Variants in ENOX1 observed in about 807,000 individuals in gnomAD.
ENOX1 encodes the protein candidate growth-related and time keeping constitutive hydroquinone (NADH) oxidase.
A neutral mutation model predicts 82.5 loss-of-function variants in ENOX1; 42 were observed. That is an observed-to-expected ratio of 0.51 (90% CI 0.40 to 0.66). The LOEUF (loss-of-function observed/expected upper bound fraction) is 0.66, where lower values mean the gene tolerates loss of function less well. Among genes scored for constraint, ENOX1 ranks in the 30% least tolerant of loss-of-function variants. The probability of loss-of-function intolerance (pLI) is 0.00; values close to 1 mark genes in which losing one functional copy is unlikely to be tolerated. For missense variants in ENOX1, 608 were observed against 811.6 expected, an observed-to-expected ratio of 0.75 and a Z score of 3.05; for synonymous variants, 271 against 282.2, an observed-to-expected ratio of 0.96 and a Z score of 0.40.
At chr13:43,507,830 A>T (rs1362670465) in intron 2 of ENOX1, among the ~76,000 whole-genome samples, 2 of 152,018 alleles carry the variant, frequency 1.3e-5, no homozygotes, top group African/African-American at 4.8e-5. Context: ...GGCAGATTAC[A>T]CAAAGAAAAG....
intron 3 of ENOX1, among the ~76,000 whole-genome samples, chr13:43,454,841 A>AT (rs3044064): frequency 0.013 from 1,849 of 143,112 alleles, 11 homozygotes; most frequent in Middle Eastern, 0.033. Flanking sequence ...TATTGAAACC[A>AT]TTTTTTTTTT....
At chr13:43,773,216 T>C (rs1951740820) in intron 1 of ENOX1, among the ~76,000 whole-genome samples, 1 of 152,210 alleles carries the variant, frequency 6.6e-6, no homozygotes, top group Non-Finnish European at 1.5e-5. Flanking sequence ...TCACTTCCCT[T>C]AAAACCCTTC....
At chr13:43,665,418 G>C (rs2084929710) in intron 2 of ENOX1, among the ~76,000 whole-genome samples, 1 of 152,094 alleles carries the variant, frequency 6.6e-6, no homozygotes. Flanking sequence ...TAATAATGTT[G>C]AGTTAAGGAT....
intron 16 of ENOX1, among the ~76,000 whole-genome samples, chr13:43,215,198 A>G (rs1593377715): frequency 6.6e-6 from 1 of 152,362 alleles, no homozygotes; most frequent in South Asian, 2.1e-4. Context: ...AAATAGACCA[A>G]GAAGTCAAAT....
At chr13:43,438,315 A>G (rs2056153496) in intron 3 of ENOX1, among the ~76,000 whole-genome samples, 1 of 152,138 alleles carries the variant, frequency 6.6e-6, no homozygotes, top group South Asian at 2.1e-4. Context: ...ATTATGGGAG[A>G]CCAGACAAGA....
At chr13:43,535,231 T>C (rs765295143) in intron 2 of ENOX1, among the ~76,000 whole-genome samples, 2 of 152,188 alleles carry the variant, frequency 1.3e-5, no homozygotes, top group Non-Finnish European at 2.9e-5. Flanking sequence ...AACTACTAGG[T>C]GCCTGACACT....
At chr13:43,600,304 G>A (rs1594037894) in intron 2 of ENOX1, among the ~76,000 whole-genome samples, 1 of 152,182 alleles carries the variant, frequency 6.6e-6, no homozygotes. Context: ...GAAGTTCACT[G>A]CCCTGAAGGG....
intron 1 of ENOX1, among the ~76,000 whole-genome samples, chr13:43,759,396 C>G (rs948535117): frequency 1.3e-5 from 2 of 152,156 alleles, no homozygotes; most frequent in Non-Finnish European, 2.9e-5. Flanking sequence ...CTGCTCCCAG[C>G]TGCTTGAACT....
At chr13:43,565,613 CA>C (rs1393410946) in intron 2 of ENOX1, among the ~76,000 whole-genome samples, 1 of 152,118 alleles carries the variant, frequency 6.6e-6, no homozygotes, top group Admixed American at 6.6e-5. Flanking sequence ...TAGGGGATTT[CA>C]ATCCATTTGG....
intron 1 of ENOX1, among the ~76,000 whole-genome samples, chr13:43,706,577 A>G (rs113364614): frequency 1.1e-4 from 16 of 152,108 alleles, no homozygotes; most frequent in African/African-American, 3.9e-4. Flanking sequence ...TCCCAAAAAT[A>G]CAAGATTAGT....
At position 43,750,332 on chromosome 13, in the gene ENOX1, T is replaced by C. The variant is rs577231356; in HGVS notation, c.-285+36320A>G. On this transcript the variant is annotated intron_variant, in intron 1 of 16. Coordinates refer to ENST00000690772, the MANE Select transcript of ENOX1 (RefSeq NM_001347969.2). ...GGCTCCATGCTTTGTGCCAGTATTATTATTTCCAGCATCCCTTAATAGTGT... is the reference window on the plus strand; with the variant it reads ...GGCTCCATGCTTTGTGCCAGTATTACTATTTCCAGCATCCCTTAATAGTGT... 1.1e-4 allele frequency among the ~76,000 whole-genome samples: 16 copies of C among 152,294 alleles called. No homozygotes were observed. The East Asian group carries it at 2.5e-3, about 24-fold the overall frequency.
Position 43,681,686 on chromosome 13 carries a change from A to AACACACAC in ENOX1, c.-284-14150_-284-14143dup, listed in dbSNP as rs3044219. Among the ~76,000 whole-genome samples, 688 of 135,328 alleles carry AACACACAC rather than the reference A, an allele frequency of 5.1e-3. 6 individuals carry two copies. The highest frequency in any genetic ancestry group is 5.7e-3 in the East Asian group (26 of 4,538). 88.8% of individuals were successfully genotyped at this position (135,328 alleles called of 152,430 possible). On this transcript the variant is annotated intron_variant, in intron 1 of 16. Coordinates refer to ENST00000690772, the MANE Select transcript of ENOX1 (RefSeq NM_001347969.2). ...ATTCCCACTTGGGCCATAATGCATA[A>AACACACAC]ACACACACACACACACACACACACA... is the stretch of plus-strand genomic sequence containing the variant.
At chr13:43,280,119 G>T (rs531761533) in intron 12 of ENOX1, among the ~76,000 whole-genome samples, 284 of 152,330 alleles carry the variant, frequency 1.9e-3, no homozygotes, top group African/African-American at 6.6e-3. Flanking sequence ...TGTTAATGTA[G>T]AAATTTAAAA....
intron 2 of ENOX1, among the ~76,000 whole-genome samples, chr13:43,662,137 C>CCTCAATTACTTTAATTCCATTATTG: frequency 6.6e-6 from 1 of 152,140 alleles, no homozygotes; most frequent in Non-Finnish European, 1.5e-5. Context: ...CCCGATATTG[C>CCTCAATTACTTTAATTCCATTATTG]CTCAATTACT....
chr13:43,333,713 C>T (rs1334622816), intron 9 of ENOX1, among the ~76,000 whole-genome samples: 3 of 152,210 alleles, frequency 2.0e-5, no homozygotes, highest in Admixed American at 2.0e-4. Context: ...ACCTCAGCCT[C>T]TCGGGTTCAA....
intron 13 of ENOX1, among the ~76,000 whole-genome samples, chr13:43,266,769 T>C (rs748055114): frequency 6.6e-6 from 1 of 152,296 alleles, no homozygotes; most frequent in African/African-American, 2.4e-5. Flanking sequence ...GGGTTTCTTA[T>C]TGTAGGTATC....
chr13:43,586,686 A>G (rs529321571), intron 2 of ENOX1, among the ~76,000 whole-genome samples: 1 of 152,302 alleles, frequency 6.6e-6, no homozygotes, highest in African/African-American at 2.4e-5. Context: ...TGGCTTTGGA[A>G]TTACTTTCAG....
At chr13:43,312,017 A>G (rs1299660305) in intron 11 of ENOX1, among the ~76,000 whole-genome samples, 1 of 152,220 alleles carries the variant, frequency 6.6e-6, no homozygotes, top group Non-Finnish European at 1.5e-5. Context: ...TACTTCCAAA[A>G]TATCTTCTAA....
At chr13:43,509,388 A>G (rs1412560089) in intron 2 of ENOX1, among the ~76,000 whole-genome samples, 1 of 152,010 alleles carries the variant, frequency 6.6e-6, no homozygotes, top group Non-Finnish European at 1.5e-5. Flanking sequence ...CTGATTTCCT[A>G]TGAGAAAGAT....
Sources: gnomAD v4.1 joint callset for allele counts (sites outside exome capture counted in the v4.1 genomes callset) on GRCh38, gnomAD v4.1.1 for gene constraint, MANE v1.5 for transcripts, NCBI Gene and HGNC (gene_info 2026-07-23, HGNC 2026-07-21) for gene names.